The following TULP4 variants were observed in gnomAD, a reference collection of about 807,000 sequenced individuals.
TULP4 encodes the protein TUB like protein 4.
Under a neutral mutation model 129.0 loss-of-function variants are expected in TULP4, and 16 were observed. The ratio of observed to expected loss-of-function variants is 0.12; its 90% CI spans 0.08 to 0.19. TULP4 has a LOEUF of 0.19. Among genes scored for constraint, TULP4 ranks in the 10% least tolerant of loss-of-function variants. TULP4 has a pLI of 1.00. For missense variants in TULP4, 1,842 were observed against 2,059.1 expected (o/e 0.89, Z 2.04); for synonymous variants, 998 against 854.0 (o/e 1.17, Z -2.94).
upstream of TULP4, among the ~76,000 whole-genome samples, chr6:158,279,998 C>T (rs1049805602): frequency 3.3e-5 from 5 of 152,142 alleles, no homozygotes; most frequent in African/African-American, 4.8e-5. Flanking sequence ...AGATGCACCA[C>T]GGTAGACGTG....
chr6:158,444,030 T>C (rs191958243), intron 3 of TULP4, among the ~76,000 whole-genome samples: 2,789 of 151,716 alleles, frequency 0.018, 29 homozygotes, highest in African/African-American at 0.021. Context: ...CCATCCTGGC[T>C]AACACGGTGA....
chr6:158,445,831 T>C (rs1201201075), intron 3 of TULP4, among the ~76,000 whole-genome samples: 1 of 152,132 alleles, frequency 6.6e-6, no homozygotes, highest in Non-Finnish European at 1.5e-5. Flanking sequence ...ATGGCAGGAA[T>C]GCAGTTGGAT....
rs1227675150 is a variant in TULP4 at position 158,493,293 on chromosome 6, C to T, written c.1632-280C>T. On this transcript the variant is annotated intron_variant, in intron 9 of 13. Transcript: ENST00000367097. This position sits in a 1 kb window ranked among gnomAD's most constrained non-coding sequence, Gnocchi z 4.4. Reference sequence around the variant, plus strand: ...CTCCTGGGCTCAAGCGATCCTCCTGCCTCAGCCTCCCAAGCAGCTGGGACT... The same window carrying T: ...CTCCTGGGCTCAAGCGATCCTCCTGTCTCAGCCTCCCAAGCAGCTGGGACT... Among the ~76,000 whole-genome samples the T allele has an allele frequency of 6.6e-6, 1 of 152,224 alleles. No individual in the cohort carries two copies. Among genetic ancestry groups the T allele is most frequent in the African/African-American group, 2.4e-5 (1 of 41,454 alleles).
intron 1 of TULP4, among the ~76,000 whole-genome samples, chr6:158,319,546 T>C (rs2128486021): frequency 6.6e-6 from 1 of 152,234 alleles, no homozygotes; most frequent in African/African-American, 2.4e-5. Context: ...CTAACTAAAT[T>C]GAAGGGGTCA....
chr6:158,436,079 G>A (rs914027844), intron 3 of TULP4, among the ~76,000 whole-genome samples: 4 of 152,084 alleles, frequency 2.6e-5, no homozygotes, highest in Admixed American at 2.6e-4. Context: ...ACCATGCCTG[G>A]CTAATTTTCG....
Position 158,506,572 on chromosome 6 carries a change from C to A in TULP4, c.4516-6C>A. The stretch of plus-strand genomic sequence containing the variant: ...TAATGTCTTTGCTTCCCCTGCCCTC[C>A]TCCAGGTGATGCAGTTTGGACGGAT... On this transcript the variant is annotated splice_polypyrimidine_tract_variant and splice_region_variant and intron_variant, in intron 13 of 13. Coordinates refer to ENST00000367097, the MANE Select transcript of TULP4 (RefSeq NM_020245.5). 2 of 1,582,624 alleles carry A rather than the reference C, an allele frequency of 1.3e-6. No homozygotes were observed. Among genetic ancestry groups the A allele is most frequent in the Non-Finnish European group, 8.7e-7 (1 of 1,151,462 alleles).
intron 8 of TULP4, among the ~76,000 whole-genome samples, chr6:158,482,773 C>T (rs1232643421): frequency 6.6e-6 from 1 of 152,006 alleles, no homozygotes; most frequent in African/African-American, 2.4e-5. Flanking sequence ...TAAATGTTGG[C>T]GATAACTTAG....
chr6:158,359,793 A>G (rs1780741690), intron 1 of TULP4, among the ~76,000 whole-genome samples: 1 of 152,216 alleles, frequency 6.6e-6, no homozygotes, highest in Non-Finnish European at 1.5e-5. Flanking sequence ...GTAAATTAAA[A>G]AAATTTAAAA....
At chr6:158,494,199 G>A (rs1477757743) in intron 10 of TULP4, among the ~76,000 whole-genome samples, 2 of 152,190 alleles carry the variant, frequency 1.3e-5, no homozygotes, top group African/African-American at 4.8e-5. Context: ...CACACCTGGT[G>A]TAGAGCTACC....
chr6:158,286,959 G>T (rs1778845670), intron 1 of TULP4, among the ~76,000 whole-genome samples: 1 of 152,250 alleles, frequency 6.6e-6, no homozygotes, highest in South Asian at 2.1e-4. Flanking sequence ...GAAGGGGTCA[G>T]CATGTTGGGC....
chr6:158,234,669 GT>G (rs150967026), intron 1 of TULP4, among the ~76,000 whole-genome samples: 1,699 of 152,256 alleles, frequency 0.011, 11 homozygotes, highest in Non-Finnish European at 0.016. Flanking sequence ...TACTGCATGG[GT>G]TTCTGTTTAG....
intron 3 of TULP4, among the ~76,000 whole-genome samples, chr6:158,434,827 G>A (rs530786188): frequency 2.0e-5 from 3 of 152,280 alleles, no homozygotes; most frequent in Admixed American, 6.5e-5. Flanking sequence ...ACTGAGGAAA[G>A]GTCAAAAGAA....
intron 2 of TULP4, among the ~76,000 whole-genome samples, chr6:158,418,269 G>A (rs1778259339): frequency 6.6e-6 from 1 of 151,778 alleles, no homozygotes; most frequent in South Asian, 2.1e-4. Flanking sequence ...ACCACACCCG[G>A]CTATTTTTTT....
At chr6:158,271,294 A>T (rs559286012) in intron 1 of TULP4, among the ~76,000 whole-genome samples, 1 of 152,234 alleles carries the variant, frequency 6.6e-6, no homozygotes, top group South Asian at 2.1e-4. Flanking sequence ...GGCCAAGTTA[A>T]GTGGGTGCCT....
chr6:158,308,833 C>T (rs1268955202), upstream of TULP4, among the ~76,000 whole-genome samples: 6,002 of 137,030 alleles, frequency 0.044, 155 homozygotes, highest in African/African-American at 0.074. Context: ...TAGGGGCGGC[C>T]GGGCAGAGGC....
chr6:158,438,823 G>A (rs1233605378), intron 3 of TULP4, among the ~76,000 whole-genome samples: 1 of 152,060 alleles, frequency 6.6e-6, no homozygotes, highest in Admixed American at 6.6e-5. Context: ...GACTTCAGGT[G>A]ATCTGCCCAC....
intron 6 of TULP4, among the ~76,000 whole-genome samples, chr6:158,470,429 C>G (rs957648350): frequency 2.0e-5 from 3 of 152,252 alleles, no homozygotes; most frequent in Admixed American, 1.3e-4. Flanking sequence ...ATATCCCGAT[C>G]CTTGTCCCTC....
chr6:158,329,117 C>G (rs1779817709), intron 1 of TULP4, among the ~76,000 whole-genome samples: 2 of 152,112 alleles, frequency 1.3e-5, no homozygotes, highest in South Asian at 4.2e-4. Context: ...GCATTTTGCC[C>G]AAGATTCTAT....
intron 1 of TULP4, among the ~76,000 whole-genome samples, chr6:158,336,509 T>G (rs117691518): frequency 0.028 from 4,211 of 152,266 alleles, 78 homozygotes; most frequent in Non-Finnish European, 0.042. Flanking sequence ...CACATGTAAG[T>G]GATAGAGGAA....
Sources: allele counts gnomAD v4.1 joint callset (sites outside exome capture counted in the v4.1 genomes callset), GRCh38; gene constraint gnomAD v4.1.1; non-coding constraint Gnocchi (gnomAD v3.1); transcripts MANE v1.5; gene names NCBI Gene and HGNC (gene_info 2026-07-23, HGNC 2026-07-21).